TMEFF2: variants seen among roughly 807,000 people sequenced by gnomAD.
The protein encoded by TMEFF2 is transmembrane protein with EGF like and two follistatin like domains 2.
Under a neutral mutation model 53.8 loss-of-function variants are expected in TMEFF2, and 28 were observed. The observed-to-expected ratio is 0.52, with a 90% CI of 0.39 to 0.71. The LOEUF (loss-of-function observed/expected upper bound fraction) is 0.71, where lower values mean the gene tolerates loss of function less well. Among genes scored for constraint, TMEFF2 ranks in the 30% least tolerant of loss-of-function variants. The pLI is 0.00. For synonymous variants in TMEFF2, 162 were observed against 166.3 expected, an observed-to-expected ratio of 0.97 and a Z score of 0.20; for missense variants, 353 against 455.2, an observed-to-expected ratio of 0.78 and a Z score of 2.04.
intron 4 of TMEFF2, among the ~76,000 whole-genome samples, chr2:192,127,567 C>CTGGCA (rs1403316396): frequency 1.3e-5 from 2 of 152,158 alleles, no homozygotes; most frequent in Non-Finnish European, 2.9e-5. Flanking sequence ...ACCTCACTTG[C>CTGGCA]TGGCATGGAA....
intron 5 of TMEFF2, among the ~76,000 whole-genome samples, chr2:192,040,870 A>T (rs1330193415): frequency 2.0e-5 from 3 of 152,198 alleles, no homozygotes; most frequent in Non-Finnish European, 4.4e-5. Context: ...AAATTTGATG[A>T]TGAAAGGCTA....
At chr2:192,084,278 G>A (rs966525341) in intron 4 of TMEFF2, among the ~76,000 whole-genome samples, 2 of 152,068 alleles carry the variant, frequency 1.3e-5, no homozygotes, top group African/African-American at 4.8e-5. Flanking sequence ...AATATTTACT[G>A]TGTGTGCCAC....
At chr2:192,046,422 G>A (rs1687623622) in intron 5 of TMEFF2, among the ~76,000 whole-genome samples, 1 of 152,040 alleles carries the variant, frequency 6.6e-6, no homozygotes, top group South Asian at 2.1e-4. Context: ...CACCAGGTAG[G>A]TGACACTGCT....
chr2:192,177,734 T>G lies in TMEFF2; in HGVS notation c.439+1934A>C, dbSNP rs930328677. The G allele has an allele frequency of 2.1e-4, 31 of 151,206 alleles. 1 individual carries two copies. The South Asian group carries it at 5.6e-3, about 27-fold the overall frequency. 9.4% of individuals were successfully genotyped at this position (151,206 alleles called of 1,614,324 possible). A position where few individuals can be genotyped will look rare whatever the true frequency, so the allele number is the denominator to read the frequency against. ...AAATAAAGTGTTTTCCAAGTGATGT[T>G]TCACTTATATGGTATAAGTTATACA... On this transcript the variant is annotated intron_variant, in intron 4 of 9. Transcript: ENST00000272771.
chr2:192,179,703 G>A lies in TMEFF2; in HGVS notation c.413-9C>T, dbSNP rs1691139273. ...AGATCCTGATCCTGCATCTGTGGGG[G>A]GAAAAGTTATATTTGCTAGTAAAAC... On this transcript the variant is annotated splice_polypyrimidine_tract_variant and intron_variant, in intron 3 of 9. Transcript: ENST00000272771. 2 of 1,509,782 alleles carry A rather than the reference G, an allele frequency of 1.3e-6. No individual in the cohort carries two copies. The highest frequency in any genetic ancestry group is 2.5e-5 in the East Asian group (1 of 39,502). The allele number at this position is 1,509,782 out of a possible 1,614,324, so 93.5% of individuals were successfully genotyped here. A position where few individuals can be genotyped will look rare whatever the true frequency, so the allele number is the denominator to read the frequency against.
intron 5 of TMEFF2, among the ~76,000 whole-genome samples, chr2:192,019,349 TTTG>T (rs1686811459): frequency 6.6e-6 from 1 of 152,172 alleles, no homozygotes; most frequent in Non-Finnish European, 1.5e-5. Context: ...TTATACAAAA[TTTG>T]TTATTTCAGC....
intron 7 of TMEFF2, among the ~76,000 whole-genome samples, chr2:191,957,121 C>T (rs1692128316): frequency 6.6e-6 from 1 of 152,138 alleles, no homozygotes; most frequent in African/African-American, 2.4e-5. Context: ...ACACTTTTGC[C>T]TGCCATTACA....
chr2:191,964,256 C>A (rs1692357082), intron 7 of TMEFF2, among the ~76,000 whole-genome samples: 1 of 16,530 alleles, frequency 6.0e-5, no homozygotes, highest in South Asian at 6.3e-3. Context: ...TTCCTTCCTT[C>A]CTCCTTTCTT....
At chr2:192,061,610 G>A (rs1688046103) in intron 4 of TMEFF2, among the ~76,000 whole-genome samples, 1 of 152,108 alleles carries the variant, frequency 6.6e-6, no homozygotes, top group Admixed American at 6.6e-5. Flanking sequence ...GGATGACCAT[G>A]CACAGATCTT....
At chr2:192,147,651 T>A (rs1690287433) in intron 4 of TMEFF2, among the ~76,000 whole-genome samples, 1 of 152,054 alleles carries the variant, frequency 6.6e-6, no homozygotes, top group Non-Finnish European at 1.5e-5. Context: ...TTAAAAAAAA[T>A]TAATACCCAA....
intron 4 of TMEFF2, among the ~76,000 whole-genome samples, chr2:192,075,085 C>T (rs927250063): frequency 3.6e-4 from 55 of 151,240 alleles, no homozygotes; most frequent in African/African-American, 1.3e-3. Flanking sequence ...TAATGACGAG[C>T]ATCAATATTA....
intron 4 of TMEFF2, among the ~76,000 whole-genome samples, chr2:192,165,004 G>GTGTGTC (rs1373969705): frequency 1.3e-5 from 2 of 151,910 alleles, no homozygotes; most frequent in African/African-American, 4.8e-5. Flanking sequence ...GTGTGTGTGT[G>GTGTGTC]TGTGTACCTG....
chr2:192,026,427 TATC>T (rs1233313478), intron 5 of TMEFF2, among the ~76,000 whole-genome samples: 1 of 152,172 alleles, frequency 6.6e-6, no homozygotes, highest in Non-Finnish European at 1.5e-5. Context: ...GCATCATCGT[TATC>T]ATCCTTTATG....
At chr2:192,076,959 G>T (rs1020619931) in intron 4 of TMEFF2, among the ~76,000 whole-genome samples, 5 of 152,178 alleles carry the variant, frequency 3.3e-5, no homozygotes, top group Admixed American at 3.3e-4. Flanking sequence ...GACAATCCGA[G>T]CTTCAGTTTG....
intron 5 of TMEFF2, among the ~76,000 whole-genome samples, chr2:192,037,649 G>A (rs62181514): frequency 0.053 from 885 of 16,574 alleles, 15 homozygotes; most frequent in Middle Eastern, 0.12. Flanking sequence ...GAGAAAGAGA[G>A]AGAGAGAGAG....
At chr2:192,174,956 T>A (rs2106028171) in intron 4 of TMEFF2, among the ~76,000 whole-genome samples, 1 of 151,844 alleles carries the variant, frequency 6.6e-6, no homozygotes, top group East Asian at 1.9e-4. Context: ...TACAAGCATA[T>A]TTTATGGAAT....
chr2:192,160,539 A>AAGC (rs1051429055), intron 4 of TMEFF2, among the ~76,000 whole-genome samples: 2 of 152,148 alleles, frequency 1.3e-5, no homozygotes, highest in East Asian at 1.9e-4. Flanking sequence ...CATAACACAA[A>AAGC]AGCAGCAGCA....
chr2:192,176,796 T>C (rs1167582210), intron 4 of TMEFF2: 2 of 151,304 alleles, frequency 1.3e-5, no homozygotes, highest in Non-Finnish European at 1.5e-5. Flanking sequence ...CAGGTCTAAT[T>C]TTCATTACTA....
intron 4 of TMEFF2, among the ~76,000 whole-genome samples, chr2:192,144,263 TTTTC>T (rs1394937707): frequency 2.6e-5 from 4 of 152,052 alleles, no homozygotes; most frequent in African/African-American, 9.7e-5. Context: ...TTTACCTCCT[TTTTC>T]TTTATTTTAA....
Sources: gnomAD v4.1 joint callset for allele counts (sites outside exome capture counted in the v4.1 genomes callset) on GRCh38, gnomAD v4.1.1 for gene constraint, MANE v1.5 for transcripts, NCBI Gene and HGNC (gene_info 2026-07-23, HGNC 2026-07-21) for gene names.